The following DEPDC5 variants were observed in gnomAD, a reference collection of about 807,000 sequenced individuals.
The protein encoded by DEPDC5 is DEP domain containing 5, GATOR1 subcomplex subunit.
In DEPDC5, 73 loss-of-function variants were observed where a neutral mutation model predicts 217.3. The observed-to-expected ratio is 0.34, with a 90% CI of 0.28 to 0.41. DEPDC5 has a LOEUF of 0.41. DEPDC5 is among the 10% of genes least tolerant of loss of function. The pLI, the probability that DEPDC5 is intolerant of heterozygous loss-of-function variation, is 1.00. For synonymous variants in DEPDC5, 733 were observed against 756.7 expected (o/e 0.97, Z 0.51); for missense variants, 1,675 against 2,070.1 (o/e 0.81, Z 3.70).
chr22:31,849,554 G>A (rs1294330742), intron 31 of DEPDC5, among the ~76,000 whole-genome samples: 2 of 152,110 alleles, frequency 1.3e-5, no homozygotes, highest in African/African-American at 4.8e-5. Flanking sequence ...GCCTAGGTGG[G>A]TGAATCACCT....
In DEPDC5 at chr22:31,901,731, T is replaced by C; in HGVS notation, c.4376-11T>C. On this transcript the variant is annotated splice_polypyrimidine_tract_variant and intron_variant, in intron 40 of 42. Coordinates refer to ENST00000651528, the MANE Select transcript of DEPDC5 (RefSeq NM_001242896.3). ...ATCACAACCCAATATTTATTCTTAT[T>C]TTCCTTTCAGGCTTTGAACCCGAAA... 1 of 1,609,132 alleles carries C rather than the reference T, an allele frequency of 6.2e-7. No homozygotes were observed. The highest frequency in any genetic ancestry group is 1.1e-5 in the South Asian group (1 of 90,020).
At chr22:31,815,783 C>A (rs150433159) in intron 21 of DEPDC5, 20,668 of 1,242,876 alleles carry the variant, frequency 0.017, 197 homozygotes, top group Middle Eastern at 0.019. Flanking sequence ...CACCCATTGG[C>A]CTCCAAAAGT....
chr22:31,817,410 A>G, intron 21 of DEPDC5: 2 of 447,932 alleles, frequency 4.5e-6, no homozygotes, highest in East Asian at 1.3e-4. Flanking sequence ...TTGCCTGGCC[A>G]AAGTGACATC....
intron 37 of DEPDC5, among the ~76,000 whole-genome samples, chr22:31,877,761 A>C (rs1179953583): frequency 7.3e-5 from 11 of 150,672 alleles, no homozygotes; most frequent in Non-Finnish European, 1.5e-4. Context: ...AAAAAAAAAA[A>C]AAAAAAAAAA....
chr22:31,858,915 A>G (rs1230250150), intron 32 of DEPDC5: 1 of 152,228 alleles, frequency 6.6e-6, no homozygotes, highest in Non-Finnish European at 1.5e-5. Flanking sequence ...GTAGAGGGAT[A>G]AAAATCTGAG....
intron 10 of DEPDC5, among the ~76,000 whole-genome samples, chr22:31,790,528 C>T (rs1253760074): frequency 6.6e-6 from 1 of 152,184 alleles, no homozygotes; most frequent in African/African-American, 2.4e-5. Context: ...CCACCCTCAT[C>T]CTATGAGACT....
At chr22:31,839,521 C>T (rs1361612428) in intron 27 of DEPDC5, among the ~76,000 whole-genome samples, 1 of 151,710 alleles carries the variant, frequency 6.6e-6, no homozygotes, top group Non-Finnish European at 1.5e-5. Flanking sequence ...TAACAAGACC[C>T]CCCCTCCCCT....
intron 10 of DEPDC5, among the ~76,000 whole-genome samples, chr22:31,789,411 A>G (rs2085382171): frequency 6.6e-6 from 1 of 152,224 alleles, no homozygotes; most frequent in African/African-American, 2.4e-5. Context: ...ATAAGATCTT[A>G]TTTATATGAA....
At chr22:31,812,714 G>A (rs1278134327) in intron 20 of DEPDC5, among the ~76,000 whole-genome samples, 1 of 146,366 alleles carries the variant, frequency 6.8e-6, no homozygotes, top group Non-Finnish European at 1.5e-5. Flanking sequence ...GTGAGCCACC[G>A]CGCCCGGCCA....
intron 7 of DEPDC5, among the ~76,000 whole-genome samples, chr22:31,777,822 A>G (rs779568126): frequency 2.6e-5 from 4 of 152,058 alleles, no homozygotes; most frequent in Non-Finnish European, 5.9e-5. Context: ...ATGTTGGCTC[A>G]CTACAACCTC....
At position 31,879,633 on chromosome 22, in the gene DEPDC5, A is replaced by T; in HGVS notation, c.3914A>T (p.His1305Leu). 1 of 1,613,942 alleles carries T rather than the reference A, an allele frequency of 6.2e-7. No homozygotes were observed. Among genetic ancestry groups the T allele is most frequent in the Non-Finnish European group, 8.5e-7 (1 of 1,179,998 alleles). ...EVAFVAEELV[H>L]SEIPAFLLPW... is the part of the protein sequence containing the mutation. Reference sequence around the variant, plus strand: ...GCCTTTGTGGCAGAAGAGCTCGTGCACTCTGAGATTCCTGCCTTTCTCCTG... The same window carrying T: ...GCCTTTGTGGCAGAAGAGCTCGTGCTCTCTGAGATTCCTGCCTTTCTCCTG... The change falls in exon 38 of 43, where the codon CAC becomes CTC. Residue 1305 changes from histidine (H) to leucine (L), a missense_variant. His to Leu is a moderately conservative substitution (Grantham distance 99). Transcript: ENST00000651528.
intron 38 of DEPDC5, among the ~76,000 whole-genome samples, chr22:31,883,060 T>C (rs112652742): frequency 6.1e-4 from 93 of 152,348 alleles, no homozygotes; most frequent in Non-Finnish European, 8.1e-4. Flanking sequence ...TCATTCTTTC[T>C]TGTGGGGAAG....
intron 31 of DEPDC5, 149 bp from the exon 32 acceptor site, chr22:31,857,296 A>G: frequency 1.6e-6 from 1 of 622,518 alleles, no homozygotes; most frequent in Non-Finnish European, 2.8e-6. Flanking sequence ...AATGAAATTA[A>G]GGGTATCATG....
chr22:31,851,596 A>AT, intron 31 of DEPDC5, among the ~76,000 whole-genome samples: 1 of 152,294 alleles, frequency 6.6e-6, no homozygotes, highest in Middle Eastern at 3.4e-3. Context: ...GCTGTGTGCC[A>AT]TGCCTGGCAC....
At chr22:31,828,239 T>G (rs1190192139) in intron 24 of DEPDC5, among the ~76,000 whole-genome samples, 2 of 152,046 alleles carry the variant, frequency 1.3e-5, no homozygotes, top group Non-Finnish European at 2.9e-5. Flanking sequence ...TCACCTGAGG[T>G]CGGGAGTTCG....
Position 31,798,724 on chromosome 22 carries a change from C to G in DEPDC5, c.946+68C>G, listed in dbSNP as rs1247333487. 8.1e-6 allele frequency: 12 copies of G among 1,486,980 alleles called. No homozygotes were observed. Among genetic ancestry groups the G allele is most frequent in the East Asian group, 2.3e-5 (1 of 42,978 alleles). The allele number at this position is 1,486,980 out of a possible 1,614,324, so 92.1% of individuals were successfully genotyped here. On this transcript the variant is annotated intron_variant, in intron 14 of 42. Transcript: ENST00000651528. ...CATGGCTATGTTACCGGAAAGGTGT[C>G]CTGATCCAGACCCTAAGAGAAGGTT...
chr22:31,890,387 C>T (rs1199541245), intron 38 of DEPDC5: 1 of 152,086 alleles, frequency 6.6e-6, no homozygotes, highest in African/African-American at 2.4e-5. Context: ...ACAACATAGA[C>T]ATCACTACTG....
chr22:31,821,384 T>G, intron 22 of DEPDC5, 118 bp from the exon 23 acceptor site: 1 of 1,441,392 alleles, frequency 6.9e-7, no homozygotes, highest in Non-Finnish European at 9.6e-7. Context: ...TGGTGTGTTC[T>G]TCTTTCAATC....
At chr22:31,900,912 C>T (rs748415951) in intron 40 of DEPDC5, among the ~76,000 whole-genome samples, 2 of 151,762 alleles carry the variant, frequency 1.3e-5, no homozygotes, top group African/African-American at 2.4e-5. Flanking sequence ...GCCATCTCTA[C>T]AAAAAGATTT....
Sources: gnomAD v4.1 joint callset for allele counts (sites outside exome capture counted in the v4.1 genomes callset) on GRCh38, gnomAD v4.1.1 for gene constraint, MANE v1.5 for transcripts, NCBI Gene and HGNC (gene_info 2026-07-23, HGNC 2026-07-21) for gene names.